The following SLC24A2 variants were observed in gnomAD, a reference collection of about 807,000 sequenced individuals.
SLC24A2 encodes solute carrier family 24 member 2.
In SLC24A2, 36 loss-of-function variants were observed where a neutral mutation model predicts 62.0. The ratio of observed to expected loss-of-function variants is 0.58; its 90% CI spans 0.44 to 0.77. SLC24A2 has a LOEUF of 0.77. SLC24A2 is among the 30% of genes least tolerant of loss of function. The probability of loss-of-function intolerance (pLI) is 0.00; values close to 1 mark genes in which losing one functional copy is unlikely to be tolerated. For synonymous variants in SLC24A2, 358 were observed against 294.0 expected (o/e 1.22, Z -2.23); for missense variants, 846 against 817.9 (o/e 1.03, Z -0.42).
At chr9:20,245,510 G>A in the SLC24A2 span, among the ~76,000 whole-genome samples, 1 of 152,208 alleles carries the variant, frequency 6.6e-6, no homozygotes, top group Non-Finnish European at 1.5e-5. Flanking sequence ...GAATGGAAGT[G>A]TGGGTTTGGA....
At chr9:20,252,823 T>C in the SLC24A2 span, among the ~76,000 whole-genome samples, 1 of 152,238 alleles carries the variant, frequency 6.6e-6, no homozygotes, top group Non-Finnish European at 1.5e-5. Context: ...CAAATTTTCA[T>C]ACTCTAGGAC....
At chr9:20,089,319 G>T in the SLC24A2 span, among the ~76,000 whole-genome samples, 2 of 152,022 alleles carry the variant, frequency 1.3e-5, no homozygotes, top group African/African-American at 4.8e-5. Context: ...ATCCAACCTG[G>T]GACTCCAGCA....
At chr9:19,639,436 C>T (rs1337565861) in intron 2 of SLC24A2, among the ~76,000 whole-genome samples, 2 of 152,148 alleles carry the variant, frequency 1.3e-5, no homozygotes, top group Non-Finnish European at 2.9e-5. Context: ...CCTTGCATGC[C>T]CGCAGATGGT....
At chr9:20,124,942 A>G in the SLC24A2 span, among the ~76,000 whole-genome samples, 1 of 152,204 alleles carries the variant, frequency 6.6e-6, no homozygotes, top group Non-Finnish European at 1.5e-5. Context: ...TGGAAGTAGC[A>G]CCTTGTTATG....
the SLC24A2 span, among the ~76,000 whole-genome samples, chr9:19,912,105 G>T: frequency 6.6e-6 from 1 of 152,180 alleles, no homozygotes; most frequent in Non-Finnish European, 1.5e-5. Flanking sequence ...GTGTCGTGGA[G>T]GTATTCAAAC....
chr9:20,143,243 T>C, the SLC24A2 span, among the ~76,000 whole-genome samples: 3 of 152,130 alleles, frequency 2.0e-5, no homozygotes, highest in Non-Finnish European at 2.9e-5. Flanking sequence ...TGATGAGCCT[T>C]TGCCAAGAGC....
the SLC24A2 span, among the ~76,000 whole-genome samples, chr9:20,279,441 G>A: frequency 1.3e-5 from 2 of 152,316 alleles, no homozygotes; most frequent in South Asian, 2.1e-4. Flanking sequence ...TGAGGCAGGA[G>A]AATCACTTCA....
At chr9:20,152,525 G>A in the SLC24A2 span, among the ~76,000 whole-genome samples, 1 of 151,888 alleles carries the variant, frequency 6.6e-6, no homozygotes, top group Non-Finnish European at 1.5e-5. Context: ...AAAGTGAGAG[G>A]TGTGAACTTT....
the SLC24A2 span, among the ~76,000 whole-genome samples, chr9:20,040,599 T>G: frequency 6.6e-6 from 1 of 152,310 alleles, no homozygotes; most frequent in South Asian, 2.1e-4. Context: ...TTGGCTCTAC[T>G]TTTCCAAGAT....
intron 5 of SLC24A2, among the ~76,000 whole-genome samples, chr9:19,584,273 TAAAAAA>T (rs5896848): frequency 3.3e-5 from 4 of 119,942 alleles, no homozygotes; most frequent in African/African-American, 6.3e-5. Flanking sequence ...TAGCAAATAG[TAAAAAA>T]AAAAAAAAAA....
chr9:19,542,273 A>AT (rs984840382), intron 8 of SLC24A2, among the ~76,000 whole-genome samples: 7 of 152,012 alleles, frequency 4.6e-5, no homozygotes, highest in African/African-American at 9.7e-5. Context: ...AATGCTTGTG[A>AT]TTTTTTGCAC....
chr9:19,980,034 A>C, the SLC24A2 span, among the ~76,000 whole-genome samples: 1 of 152,244 alleles, frequency 6.6e-6, no homozygotes, highest in Non-Finnish European at 1.5e-5. Flanking sequence ...AAGCAAAGAC[A>C]GAAGACGCAT....
the SLC24A2 span, among the ~76,000 whole-genome samples, chr9:20,252,634 T>C: frequency 2.2e-4 from 33 of 152,306 alleles, no homozygotes; most frequent in African/African-American, 7.0e-4. Context: ...GATAGGGATA[T>C]TGAGGTTCAA....
intron 8 of SLC24A2, among the ~76,000 whole-genome samples, chr9:19,531,141 G>A (rs1251739969): frequency 2.0e-5 from 3 of 152,318 alleles, no homozygotes; most frequent in East Asian, 1.9e-4. Flanking sequence ...TGCTTTGGAA[G>A]TATCAACGTT....
chr9:20,055,634 T>C, the SLC24A2 span, among the ~76,000 whole-genome samples: 8 of 152,260 alleles, frequency 5.3e-5, no homozygotes, highest in African/African-American at 1.9e-4. Context: ...ATGCCTATAA[T>C]CCTAGCACTT....
intron 4 of SLC24A2, among the ~76,000 whole-genome samples, chr9:19,600,427 G>A (rs961823782): frequency 5.3e-5 from 8 of 152,164 alleles, no homozygotes; most frequent in African/African-American, 1.4e-4. Flanking sequence ...CCCATTAGAT[G>A]TAACAACTCC....
chr9:20,151,199 T>G, the SLC24A2 span, among the ~76,000 whole-genome samples: 1 of 151,964 alleles, frequency 6.6e-6, no homozygotes, highest in Non-Finnish European at 1.5e-5. Context: ...AGAATGGGCC[T>G]TCCCCTCTTC....
chr9:20,229,051 T>G, the SLC24A2 span, among the ~76,000 whole-genome samples: 52 of 152,116 alleles, frequency 3.4e-4, no homozygotes, highest in Non-Finnish European at 2.9e-4. Flanking sequence ...CTGTGTTATT[T>G]CTCTTTTGCT....
the SLC24A2 span, among the ~76,000 whole-genome samples, chr9:20,116,859 A>C: frequency 0.019 from 2,886 of 152,228 alleles, 40 homozygotes; most frequent in South Asian, 0.04. Context: ...TAGATCATCC[A>C]ATTGTAATAA....
Sources: gnomAD v4.1 joint callset for allele counts (sites outside exome capture counted in the v4.1 genomes callset) on GRCh38, gnomAD v4.1.1 for gene constraint, MANE v1.5 for transcripts, NCBI Gene and HGNC (gene_info 2026-07-23, HGNC 2026-07-21) for gene names.